Variants in CMYA5 observed in about 807,000 individuals in gnomAD.
CMYA5 encodes the protein cardiomyopathy associated 5.
Under a neutral mutation model 318.9 loss-of-function variants are expected in CMYA5, and 246 were observed. That is an observed-to-expected ratio of 0.77 (90% CI 0.70 to 0.86). The LOEUF is 0.86. Among genes scored for constraint, CMYA5 ranks in the 40% least tolerant of loss-of-function variants. The pLI, the probability that CMYA5 is intolerant of heterozygous loss-of-function variation, is 0.00. For synonymous variants in CMYA5, 1,641 were observed against 1,729.5 expected, an observed-to-expected ratio of 0.95 and a Z score of 1.27; for missense variants, 4,589 against 4,678.2, an observed-to-expected ratio of 0.98 and a Z score of 0.56.
rs376323587 is a variant in CMYA5 at position 79,778,837 on chromosome 5, A to G, written c.11556-10134A>G. Among the ~76,000 whole-genome samples the G allele has an allele frequency of 3.7e-3, 222 of 60,228 alleles. 1 individual carries two copies. The highest frequency in any genetic ancestry group is 9.4e-3 in the Middle Eastern group (1 of 106). 39.5% of individuals were successfully genotyped at this position (60,228 alleles called of 152,430 possible). On this transcript the variant is annotated intron_variant, in intron 9 of 12. Coordinates refer to ENST00000446378, the MANE Select transcript of CMYA5 (RefSeq NM_153610.5). Reference sequence around the variant, plus strand: ...TGTGTGTGTGTGTGTGTGTGTGTGTATGTTTATTCACTCATGTTTTTTTGT... The same window carrying G: ...TGTGTGTGTGTGTGTGTGTGTGTGTGTGTTTATTCACTCATGTTTTTTTGT...
At position 79,733,760 on chromosome 5, in the gene CMYA5, G is replaced by A. The variant is rs1827978841; in HGVS notation, c.4995G>A (p.Glu1665=). The A allele has an allele frequency of 3.7e-6, 6 of 1,613,482 alleles. No homozygotes were observed. In the East Asian group the frequency reaches 8.9e-5, roughly 24 times the overall value. ...KQAKSPITET[E]DSVLEKGPAE... is the part of the protein sequence containing the mutation. ...CAAAGTCTCCCATAACTGAAACAGA[G>A]GATTCTGTTTTAGAAAAAGGCCCAG... The change falls in exon 2 of 13, where the codon GAG becomes GAA. Residue 1665 remains glutamate (E), a synonymous_variant. Coordinates refer to ENST00000446378, the MANE Select transcript of CMYA5 (RefSeq NM_153610.5).
intron 1 of CMYA5, among the ~76,000 whole-genome samples, chr5:79,704,485 A>G (rs1827233739): frequency 6.6e-6 from 1 of 152,116 alleles, no homozygotes; most frequent in Non-Finnish European, 1.5e-5. Flanking sequence ...CATCAAAGCA[A>G]GTCATGCCAA....
At chr5:79,719,491 A>T (rs776061791) in intron 1 of CMYA5, among the ~76,000 whole-genome samples, 2 of 152,222 alleles carry the variant, frequency 1.3e-5, no homozygotes, top group African/African-American at 2.4e-5. Flanking sequence ...CATTTAATGA[A>T]ATTCATTTTT....
At position 79,730,635 on chromosome 5, in the gene CMYA5, A is replaced by G. The variant is rs1827870960; in HGVS notation, c.1870A>G (p.Ile624Val). The change falls in exon 2 of 13, where the codon ATA becomes GTA. Residue 624 changes from isoleucine (I) to valine (V), a missense_variant. This residue lies in a region of CMYA5 where 2,132 missense variants were observed against 2,131.3 expected (regional missense o/e 1.00). Transcript: ENST00000446378. The part of the protein sequence containing the change: ...EPVPPSNVEA[I>V]AEHAVLSEEE... ...AGTTCCCCCATCCAATGTAGAAGCT[A>G]TAGCTGAACATGCAGTTTTGTCAGA... 1.2e-6 allele frequency: 2 copies of G among 1,614,034 alleles called. No individual in the cohort carries two copies. The highest frequency in any genetic ancestry group is 1.7e-6 in the Non-Finnish European group (2 of 1,179,880).
chr5:79,739,877 G>A (rs920498588), intron 2 of CMYA5, among the ~76,000 whole-genome samples: 1 of 152,018 alleles, frequency 6.6e-6, no homozygotes, highest in South Asian at 2.1e-4. Flanking sequence ...AAGTTACTTG[G>A]GGGGCTGAGG....
At position 79,734,765 on chromosome 5, in the gene CMYA5, A is replaced by G. The variant is rs1421026897; in HGVS notation, c.6000A>G (p.Val2000=). 5 of 1,613,714 alleles carry G rather than the reference A, an allele frequency of 3.1e-6. No homozygotes were observed. Among genetic ancestry groups the G allele is most frequent in the Non-Finnish European group, 4.2e-6 (5 of 1,179,824 alleles). ...AGTCTTTAGTCCTAGCTGGAAATGT[A>G]GAGAGAAACATAGCAGAGGGGAAGG... is the stretch of plus-strand genomic sequence containing the variant. ...EPKSLVLAGN[V]ERNIAEGKEI... Residue 2000 remains valine, a synonymous_variant, in exon 2 of 13, where the codon GTA becomes GTG. Coordinates refer to ENST00000446378, the MANE Select transcript of CMYA5 (RefSeq NM_153610.5).
At chr5:79,790,767 A>G (rs184201577) in intron 10 of CMYA5, among the ~76,000 whole-genome samples, 3 of 152,366 alleles carry the variant, frequency 2.0e-5, no homozygotes, top group South Asian at 4.1e-4. Context: ...GGACGTGCCT[A>G]TGGCACCACG....
At chr5:79,770,244 G>A (rs1479316246) in intron 9 of CMYA5, among the ~76,000 whole-genome samples, 1 of 152,174 alleles carries the variant, frequency 6.6e-6, no homozygotes, top group Non-Finnish European at 1.5e-5. Context: ...TGGGCTCCTT[G>A]GGGGTGGGAT....
chr5:79,718,098 G>A lies in CMYA5; in HGVS notation c.150-10817G>A, dbSNP rs1297542089. On this transcript the variant is annotated intron_variant, in intron 1 of 12. Transcript: ENST00000446378. ...GAGACGGGGTTTCACCGTTTTAGCC[G>A]GGATGGTCTCGATCTCCTGACCTCG... Among the ~76,000 whole-genome samples, 19 of 52,070 alleles carry A rather than the reference G, an allele frequency of 3.6e-4. 8 individuals are homozygous for A. Among genetic ancestry groups the A allele is most frequent in the Non-Finnish European group, 2.8e-4 (8 of 28,976 alleles). The allele number at this position is 52,070 out of a possible 152,430, so 34.2% of individuals were successfully genotyped here. A position where few individuals can be genotyped will look rare whatever the true frequency, so the allele number is the denominator to read the frequency against.
intron 1 of CMYA5, among the ~76,000 whole-genome samples, chr5:79,701,090 C>CCA (rs55791310): frequency 1.4e-4 from 16 of 114,924 alleles, no homozygotes; most frequent in Middle Eastern, 5.1e-3. Context: ...ACTAAAAATA[C>CCA]AAAAAAAAAA....
At chr5:79,763,274 T>G in intron 9 of CMYA5, 65 bp downstream of exon 9, 1 of 1,367,446 alleles carries the variant, frequency 7.3e-7, no homozygotes, top group Non-Finnish European at 9.8e-7. Context: ...GGTCCTAAAC[T>G]ACCCTCTAAC....
At position 79,732,433 on chromosome 5, in the gene CMYA5, A is replaced by G; in HGVS notation, c.3668A>G (p.Asp1223Gly). The G allele has an allele frequency of 6.2e-7, 1 of 1,613,610 alleles. No individual in the cohort carries two copies. Among genetic ancestry groups the G allele is most frequent in the South Asian group, 1.1e-5 (1 of 90,984 alleles). Residue 1223 changes from aspartate to glycine, a missense_variant, in exon 2 of 13, where the codon GAT (aspartate) becomes GGT (glycine). Asp to Gly is a moderately conservative substitution (Grantham distance 94). This residue lies in a region of CMYA5 where 2,132 missense variants were observed against 2,131.3 expected (regional missense o/e 1.00). Transcript: ENST00000446378. ...SQEATAHVSQ[D>G]QKMEPQPPNV... ...GAAGCTACAGCACATGTATCACAGG[A>G]TCAAAAAATGGAGCCTCAGCCTCCA...
intron 9 of CMYA5, among the ~76,000 whole-genome samples, chr5:79,771,357 G>A (rs1828853716): frequency 2.0e-5 from 3 of 152,170 alleles, no homozygotes. Flanking sequence ...TATCAGAAGT[G>A]CCAGAGTCCC....
intron 1 of CMYA5, among the ~76,000 whole-genome samples, chr5:79,712,621 A>G (rs978539531): frequency 1.3e-5 from 2 of 152,038 alleles, no homozygotes; most frequent in Non-Finnish European, 2.9e-5. Context: ...GCTGGGCTTT[A>G]TTTTTAAATG....
chr5:79,705,482 A>G (rs998707332), intron 1 of CMYA5, among the ~76,000 whole-genome samples: 1 of 151,812 alleles, frequency 6.6e-6, no homozygotes, highest in African/African-American at 2.4e-5. Context: ...ACTGAAACCC[A>G]AAGCTACCAT....
In CMYA5 at chr5:79,735,624, G is replaced by C. The variant is rs1828043094; in HGVS notation, c.6859G>C (p.Glu2287Gln). The C allele has an allele frequency of 1.9e-6, 3 of 1,613,554 alleles. No individual in the cohort carries two copies. The highest frequency in any genetic ancestry group is 2.5e-6 in the Non-Finnish European group (3 of 1,179,738). The change falls in exon 2 of 13, where the codon GAA (glutamate) becomes CAA (glutamine). Residue 2287 changes from glutamate (E) to glutamine (Q), a missense_variant. Glu to Gln is a conservative substitution (Grantham distance 29). This residue lies in a region of CMYA5 where 2,431 missense variants were observed against 2,495.1 expected (regional missense o/e 0.97). Coordinates refer to ENST00000446378, the MANE Select transcript of CMYA5 (RefSeq NM_153610.5). ...QPKFISEVSR[E>Q]DYGKKEISGD... ...AAAATTCATTTCTGAGGTGTCTAGG[G>C]AAGATTATGGAAAAAAAGAAATCTC...
intron 1 of CMYA5, among the ~76,000 whole-genome samples, chr5:79,705,787 A>G (rs1827258913): frequency 6.6e-6 from 1 of 152,142 alleles, no homozygotes; most frequent in African/African-American, 2.4e-5. Flanking sequence ...GAATACTAGC[A>G]GTTCTCTGGA....
chr5:79,776,821 G>A (rs1728021460), intron 9 of CMYA5, among the ~76,000 whole-genome samples: 1 of 150,260 alleles, frequency 6.7e-6, no homozygotes, highest in African/African-American at 2.5e-5. Context: ...GTGGTACACT[G>A]CAGTGACGAC....
intron 9 of CMYA5, among the ~76,000 whole-genome samples, chr5:79,769,422 C>G (rs1245804414): frequency 6.6e-6 from 1 of 152,100 alleles, no homozygotes; most frequent in Admixed American, 6.5e-5. Context: ...GTTTTTCCCT[C>G]ATATTCGTGG....
Sources: allele counts gnomAD v4.1 joint callset (sites outside exome capture counted in the v4.1 genomes callset), GRCh38; gene constraint gnomAD v4.1.1; regional missense constraint gnomAD v4.1.1; transcripts MANE v1.5; gene names NCBI Gene and HGNC (gene_info 2026-07-23, HGNC 2026-07-21).